Variants in ACBD7 observed in about 807,000 individuals in gnomAD.
ACBD7 encodes the protein acyl-CoA-binding domain-containing protein 7.
A neutral mutation model predicts 13.7 loss-of-function variants in ACBD7; 11 were observed. That is an observed-to-expected ratio of 0.80 (90% CI 0.50 to 1.33). The LOEUF (loss-of-function observed/expected upper bound fraction) is 1.33, where lower values mean the gene tolerates loss of function less well. Among genes scored for constraint, ACBD7 ranks in the 40% most tolerant of loss-of-function variants. ACBD7 has a pLI of 0.00. For synonymous variants in ACBD7, 43 were observed against 37.7 expected, an observed-to-expected ratio of 1.14 and a Z score of -0.51; for missense variants, 111 against 103.0, an observed-to-expected ratio of 1.08 and a Z score of -0.33.
At chr10:15,079,191 A>C in intron 1 of ACBD7, 151 bp from the exon 2 acceptor site, 1 of 414,584 alleles carries the variant, frequency 2.4e-6, no homozygotes, top group South Asian at 5.4e-5. Flanking sequence ...AATTCCTAGG[A>C]GTTCACCTCT....
intron 1 of ACBD7, among the ~76,000 whole-genome samples, chr10:15,085,432 A>G (rs75138367): frequency 0.012 from 1,758 of 152,312 alleles, 41 homozygotes; most frequent in African/African-American, 0.04. Flanking sequence ...ACTTTCTGCA[A>G]TGAACATGGT....
At chr10:15,081,859 A>G (rs1414500916) in intron 1 of ACBD7, among the ~76,000 whole-genome samples, 1 of 152,222 alleles carries the variant, frequency 6.6e-6, no homozygotes, top group East Asian at 1.9e-4. Flanking sequence ...AGCACGGGGC[A>G]TGGAACAAGG....
intron 1 of ACBD7, among the ~76,000 whole-genome samples, chr10:15,084,804 T>G (rs371097869): frequency 4.6e-5 from 7 of 152,302 alleles, no homozygotes; most frequent in Middle Eastern, 3.4e-3. Context: ...CCTGTGCAAA[T>G]GTCTGATTGG....
At chr10:15,088,622 A>T in intron 1 of ACBD7, 95 bp downstream of exon 1, 1 of 1,499,320 alleles carries the variant, frequency 6.7e-7, no homozygotes, top group South Asian at 1.2e-5. Flanking sequence ...GTCACCGCCG[A>T]CCGCTCCCAG....
chr10:15,081,520 C>T lies in ACBD7; in HGVS notation c.13-2480G>A, dbSNP rs1054728439. On this transcript the variant is annotated intron_variant, in intron 1 of 3. Coordinates refer to ENST00000356189, the MANE Select transcript of ACBD7 (RefSeq NM_001039844.3). ...TTCATCACTTAAGGTTTTAGATGAA[C>T]GCACACTTACATGCAGACATATAAC... 4.6e-5 allele frequency among the ~76,000 whole-genome samples: 7 copies of T among 152,322 alleles called. No homozygotes were observed. The East Asian group carries it at 5.8e-4, about 13-fold the overall frequency.
chr10:15,081,411 T>C (rs1207013526), intron 1 of ACBD7, among the ~76,000 whole-genome samples: 3 of 152,216 alleles, frequency 2.0e-5, no homozygotes, highest in Non-Finnish European at 4.4e-5. Flanking sequence ...CTGCAGCACC[T>C]GGACCCATCC....
rs767513855 is a variant in ACBD7, at chr10:15,078,481, G to T, written c.*49C>A. The T allele has an allele frequency of 3.1e-6, 5 of 1,612,226 alleles. No homozygotes were observed. In the Admixed American group the frequency reaches 8.3e-5, roughly 27 times the overall value. On this transcript the variant is annotated 3_prime_UTR_variant, in exon 4 of 4. Transcript: ENST00000356189. The stretch of plus-strand genomic sequence containing the variant: ...CCTCTCCCTCTAAATGTTAGGTCAT[G>T]ATAGCATTTGGAAGTCTTCAAAAGG...
chr10:15,084,470 A>G (rs6602807), intron 1 of ACBD7, among the ~76,000 whole-genome samples: 39,701 of 152,150 alleles, frequency 0.26, 5,326 homozygotes, highest in East Asian at 0.38. Flanking sequence ...AAAATTGGAC[A>G]AAATGCACAA....
At position 15,076,110 on chromosome 10, in the gene ACBD7, G is replaced by C; in HGVS notation, c.*2420C>G. On this transcript the variant is annotated 3_prime_UTR_variant, in exon 4 of 4. Transcript: ENST00000356189. The stretch of plus-strand genomic sequence containing the variant: ...TCATCTAGCAGACCTAGATAGTTTT[G>C]TTGTTGTAGTAACATGAAGTGGATC... 1.0e-6 allele frequency: 1 copy of C among 984,966 alleles called. No homozygotes were observed. Among genetic ancestry groups the C allele is most frequent in the Non-Finnish European group, 1.2e-6 (1 of 829,732 alleles). The allele number at this position is 984,966 out of a possible 1,614,324, so 61.0% of individuals were successfully genotyped here.
At position 15,078,451 on chromosome 10, in the gene ACBD7, G is replaced by C; in HGVS notation, c.*79C>G. 2 of 1,606,948 alleles carry C rather than the reference G, an allele frequency of 1.2e-6. No individual in the cohort carries two copies. Among genetic ancestry groups the C allele is most frequent in the South Asian group, 2.2e-5 (2 of 90,716 alleles). On this transcript the variant is annotated 3_prime_UTR_variant, in exon 4 of 4. Transcript: ENST00000356189. The stretch of plus-strand genomic sequence containing the variant: ...ATATACATGATACATCAAGTTAACA[G>C]TATGCCTCTCCCTCTAAATGTTAGG...
chr10:15,079,505 C>T (rs539146215), intron 1 of ACBD7, among the ~76,000 whole-genome samples: 12 of 151,794 alleles, frequency 7.9e-5, no homozygotes, highest in African/African-American at 2.9e-4. Flanking sequence ...GAACTCCTGA[C>T]CTCAAGTGAT....
At chr10:15,084,087 G>A (rs1324508101) in intron 1 of ACBD7, among the ~76,000 whole-genome samples, 1 of 152,248 alleles carries the variant, frequency 6.6e-6, no homozygotes, top group Non-Finnish European at 1.5e-5. Flanking sequence ...GATGAGATGG[G>A]ATCGGGTCTG....
chr10:15,077,949 A>AT lies in ACBD7; in HGVS notation c.*580dup, dbSNP rs554050177. On this transcript the variant is annotated 3_prime_UTR_variant, in exon 4 of 4. Coordinates refer to ENST00000356189, the MANE Select transcript of ACBD7 (RefSeq NM_001039844.3). ...AAATAAAAAATACTTTTCTAAAAGA[A>AT]TTTTTTTTTTTATACTTTAAGTTCT... 1.7e-4 allele frequency: 26 copies of AT among 149,948 alleles called. No individual in the cohort carries two copies. Among genetic ancestry groups the AT allele is most frequent in the African/African-American group, 2.9e-4 (12 of 41,014 alleles). The allele number at this position is 149,948 out of a possible 1,614,324, so 9.3% of individuals were successfully genotyped here.
rs1434620251 is a variant in ACBD7 at position 15,075,559 on chromosome 10, A to C, written c.*2971T>G. Among the ~76,000 whole-genome samples the C allele has an allele frequency of 6.6e-6, 1 of 152,210 alleles. No individual in the cohort carries two copies. The highest frequency in any genetic ancestry group is 2.4e-5 in the African/African-American group (1 of 41,468). On this transcript the variant is annotated 3_prime_UTR_variant, in exon 4 of 4. Transcript: ENST00000356189. ...ACAATCAGCATATTGGTGTTGCTAC[A>C]ATCAAGACAGAACATTCCATCACTG...
chr10:15,088,595 G>T, intron 1 of ACBD7, 122 bp downstream of exon 1: 1 of 1,333,522 alleles, frequency 7.5e-7, no homozygotes, highest in Non-Finnish European at 1.0e-6. Flanking sequence ...TGGGGAAGGA[G>T]TGGGCGTGTC....
In ACBD7 at chr10:15,078,525, G is replaced by A. The variant is rs1294810807; in HGVS notation, c.*5C>T. On this transcript the variant is annotated 3_prime_UTR_variant, in exon 4 of 4. Transcript: ENST00000356189. ...CAAAAGGAAAAATTCCTCATATGCT[G>A]TATTCTAAATTCCGTATTTTTCTAT... is the stretch of plus-strand genomic sequence containing the variant. 1 of 1,614,006 alleles carries A rather than the reference G, an allele frequency of 6.2e-7. No individual in the cohort carries two copies. The highest frequency in any genetic ancestry group is 1.1e-5 in the South Asian group (1 of 91,076).
chr10:15,086,662 G>C (rs541364538), intron 1 of ACBD7, among the ~76,000 whole-genome samples: 70 of 151,898 alleles, frequency 4.6e-4, no homozygotes, highest in Non-Finnish European at 6.0e-4. Context: ...GATCGCTTGA[G>C]CTCAGGAGTT....
rs772495064 is a variant in ACBD7, at chr10:15,088,773, C to G, written c.-45G>C. On this transcript the variant is annotated 5_prime_UTR_variant, in exon 1 of 4. Transcript: ENST00000356189. ...TTGCTGCTGCTGTTGTCGTCCGGTG[C>G]TCTGCCCCCTCTCGCACCCACCGCT... The G allele has an allele frequency of 2.7e-5, 43 of 1,593,466 alleles. No individual in the cohort carries two copies. The highest frequency in any genetic ancestry group is 4.2e-5 in the African/African-American group (3 of 72,246).
rs1844690963 is a variant in ACBD7, at chr10:15,077,116, T to C, written c.*1414A>G. Among the ~76,000 whole-genome samples, 1 of 152,092 alleles carries C rather than the reference T, an allele frequency of 6.6e-6. No individual in the cohort carries two copies. The highest frequency in any genetic ancestry group is 1.5e-5 in the Non-Finnish European group (1 of 68,028). On this transcript the variant is annotated 3_prime_UTR_variant, in exon 4 of 4. Coordinates refer to ENST00000356189, the MANE Select transcript of ACBD7 (RefSeq NM_001039844.3). Reference sequence around the variant, plus strand: ...TCTTAAAGGAAAATAAATCATTCTATCCAAAAGATACCTGCACTTGTATAT... The same window carrying C: ...TCTTAAAGGAAAATAAATCATTCTACCCAAAAGATACCTGCACTTGTATAT...
Sources: allele counts gnomAD v4.1 joint callset (sites outside exome capture counted in the v4.1 genomes callset), GRCh38; gene constraint gnomAD v4.1.1; transcripts MANE v1.5; gene names NCBI Gene and HGNC (gene_info 2026-07-23, HGNC 2026-07-21).